NUMA1: variants seen among roughly 807,000 people sequenced by gnomAD.
NUMA1 encodes the protein nuclear mitotic apparatus protein 1, also known as SP-H antigen.
A neutral mutation model predicts 237.1 loss-of-function variants in NUMA1; 62 were observed. That is an observed-to-expected ratio of 0.26 (90% CI 0.21 to 0.32). NUMA1 has a LOEUF of 0.32. Among genes scored for constraint, NUMA1 ranks in the 10% least tolerant of loss-of-function variants. NUMA1 has a pLI of 1.00. For missense variants in NUMA1, 2,533 were observed against 2,666.5 expected, an observed-to-expected ratio of 0.95 and a Z score of 1.10; for synonymous variants, 1,028 against 1,066.1, an observed-to-expected ratio of 0.96 and a Z score of 0.70.
intron 1 of NUMA1, among the ~76,000 whole-genome samples, chr11:72,078,524 T>C (rs1381025739): frequency 2.0e-5 from 3 of 152,252 alleles, no homozygotes; most frequent in Non-Finnish European, 2.9e-5. Context: ...AGTTCTAGAA[T>C]TCAAGTCTTA....
At chr11:72,010,882 C>T in intron 16 of NUMA1, 28 bp from the exon 17 acceptor site, 1 of 1,597,428 alleles carries the variant, frequency 6.3e-7, no homozygotes, top group Non-Finnish European at 8.6e-7. Flanking sequence ...GGACAGAAGA[C>T]TCAGGAGGAC....
intron 5 of NUMA1, among the ~76,000 whole-genome samples, chr11:72,023,428 C>A (rs1210313110): frequency 6.6e-6 from 1 of 152,202 alleles, no homozygotes; most frequent in East Asian, 1.9e-4. Flanking sequence ...CACCCACTCA[C>A]CAACTCTCAG....
intron 2 of NUMA1, among the ~76,000 whole-genome samples, chr11:72,055,092 C>CA (rs953497161): frequency 2.4e-4 from 36 of 147,900 alleles, no homozygotes; most frequent in African/African-American, 5.2e-4. Flanking sequence ...CCAATGTCAA[C>CA]AAAAAAAAAT....
intron 2 of NUMA1, among the ~76,000 whole-genome samples, chr11:72,051,385 T>C (rs1342282129): frequency 6.6e-6 from 1 of 152,222 alleles, no homozygotes; most frequent in Non-Finnish European, 1.5e-5. Flanking sequence ...ATGTTACTCT[T>C]TACTTAGAAT....
chr11:72,036,736 G>A (rs1282756676), intron 2 of NUMA1, among the ~76,000 whole-genome samples: 1 of 152,120 alleles, frequency 6.6e-6, no homozygotes, highest in East Asian at 1.9e-4. Context: ...TGAAAATTAG[G>A]CACCTGTCCT....
intron 1 of NUMA1, among the ~76,000 whole-genome samples, chr11:72,077,823 A>AG (rs1343334853): frequency 1.3e-5 from 2 of 151,438 alleles, no homozygotes; most frequent in East Asian, 3.9e-4. Flanking sequence ...CAAAAAAAAA[A>AG]AAAAAACAAA....
At position 72,010,811 on chromosome 11, in the gene NUMA1, C is replaced by T. The variant is rs749080977; in HGVS notation, c.4694G>A (p.Ser1565Asn). ...SKKLADSDQA[S>N]KVQQQKLKAV... is the part of the protein sequence containing the mutation. ...CTTCAGCTTCTGCTGCTGCACCTTGCTGGCTTGGTCAGAGTCAGCCAGTTT... is the reference window on the plus strand; with the variant it reads ...CTTCAGCTTCTGCTGCTGCACCTTGTTGGCTTGGTCAGAGTCAGCCAGTTT... Residue 1565 changes from serine to asparagine, a missense_variant, in exon 17 of 27, where the codon AGC (serine) becomes AAC (asparagine). Ser to Asn is a conservative substitution (Grantham distance 46). Around this residue, in one of 3 missense-constraint regions of NUMA1, gnomAD observed 795 missense variants for 750.8 expected, o/e 1.06. Transcript: ENST00000393695. The T allele has an allele frequency of 1.2e-6, 2 of 1,613,894 alleles. No homozygotes were observed. The highest frequency in any genetic ancestry group is 1.1e-5 in the South Asian group (1 of 91,064).
intron 22 of NUMA1, chr11:72,005,692 G>C: frequency 2.0e-6 from 1 of 492,362 alleles, no homozygotes; most frequent in Non-Finnish European, 3.6e-6. Flanking sequence ...GGGCTCCCTG[G>C]TGCCCAAAGG....
chr11:72,017,835 G>T lies in NUMA1; in HGVS notation c.979-8C>A. ...ACTGGCAAACTCCCGCAGCTGAGAC[G>T]GGCAAGTGAGAATCCCCATCACCCA... On this transcript the variant is annotated splice_region_variant and splice_polypyrimidine_tract_variant and intron_variant, in intron 12 of 26. Coordinates refer to ENST00000393695, the MANE Select transcript of NUMA1 (RefSeq NM_006185.4). 6.4e-7 allele frequency: 1 copy of T among 1,568,696 alleles called. No homozygotes were observed.
At chr11:72,032,760 G>A in intron 3 of NUMA1, among the ~76,000 whole-genome samples, 1 of 152,106 alleles carries the variant, frequency 6.6e-6, no homozygotes, top group East Asian at 1.9e-4. Context: ...GTTGCTTAAG[G>A]TTGTCAAATC....
At chr11:72,038,126 T>C (rs1941258107) in intron 2 of NUMA1, among the ~76,000 whole-genome samples, 2 of 152,332 alleles carry the variant, frequency 1.3e-5, no homozygotes, top group South Asian at 2.1e-4. Flanking sequence ...CTGCTGCCTA[T>C]AGACTTGCAG....
chr11:72,043,761 A>G (rs1393878226), intron 2 of NUMA1, among the ~76,000 whole-genome samples: 1 of 152,108 alleles, frequency 6.6e-6, no homozygotes, highest in African/African-American at 2.4e-5. Context: ...TGTTTTACAT[A>G]TAAGATAACC....
chr11:72,066,121 C>CATGGAGAAACCCCATCTCTACT (rs1265708167), intron 2 of NUMA1: 3 of 151,394 alleles, frequency 2.0e-5, no homozygotes, highest in Non-Finnish European at 4.4e-5. Context: ...GCCTGACCAA[C>CATGGAGAAACCCCATCTCTACT]ATGGAGAAAC....
intron 26 of NUMA1, 126 bp downstream of exon 26, chr11:72,003,761 C>T (rs1172759664): frequency 4.6e-6 from 5 of 1,086,256 alleles, no homozygotes; most frequent in South Asian, 4.0e-5. Flanking sequence ...AGGACAGGGA[C>T]ACCTCTTACC....
intron 12 of NUMA1, 31 bp from the exon 13 acceptor site, chr11:72,017,858 C>T: frequency 6.8e-7 from 1 of 1,466,898 alleles, no homozygotes; most frequent in Non-Finnish European, 9.1e-7. Context: ...TCCCCATCAC[C>T]CAGAGTCAAC....
chr11:72,054,965 A>G (rs769358296), intron 2 of NUMA1, among the ~76,000 whole-genome samples: 1 of 152,186 alleles, frequency 6.6e-6, no homozygotes, highest in Non-Finnish European at 1.5e-5. Flanking sequence ...TCTAGTGGGC[A>G]TCAGCATTAA....
Position 72,005,267 on chromosome 11 carries a change from G to C in NUMA1, c.5795C>G (p.Pro1932Arg), listed in dbSNP as rs760554220. The C allele has an allele frequency of 3.7e-6, 6 of 1,605,686 alleles. No individual in the cohort carries two copies. The highest frequency in any genetic ancestry group is 3.4e-5 in the Admixed American group (2 of 58,780). Residue 1932 changes from proline (P) to arginine (R), a missense_variant, in exon 23 of 27, where the codon CCA (proline) becomes CGA (arginine). Coordinates refer to ENST00000393695, the MANE Select transcript of NUMA1 (RefSeq NM_006185.4). ...CAGGGGATAGCAGGTCTTCAGATGT[G>C]GGGGGCACACTCGATTGCGCTGCTG... ...ELQQRNRVCPPHLKTCYPLES... is the reference protein window; with the variant it reads ...ELQQRNRVCPRHLKTCYPLES...
At position 72,008,744 on chromosome 11, in the gene NUMA1, C is replaced by G. The variant is rs766043888; in HGVS notation, c.5160G>C (p.Leu1720Phe). The G allele has an allele frequency of 1.9e-6, 3 of 1,613,998 alleles. No individual in the cohort carries two copies. The highest frequency in any genetic ancestry group is 1.7e-5 in the Admixed American group (1 of 60,004). ...AGCTCAGATCCAGGCTGTCAATACT[C>G]AAGTCCAGCTGGGGCTTAGCCTGGG... is the stretch of plus-strand genomic sequence containing the variant. The part of the protein sequence containing the change: ...REPQAKPQLD[L>F]SIDSLDLSCE... The change falls in exon 20 of 27, where the codon TTG becomes TTC. Residue 1720 changes from leucine (L) to phenylalanine (F), a missense_variant. Physicochemically the swap from Leu to Phe is conservative, Grantham distance 22. Transcript: ENST00000393695.
rs58353057 is a variant in NUMA1 at position 72,033,364 on chromosome 11, GTTTTTTTTTTTTTT to G, written c.42+2524_42+2537del. 2.6e-4 allele frequency among the ~76,000 whole-genome samples: 37 copies of G among 144,712 alleles called. 1 individual carries two copies. The highest frequency in any genetic ancestry group is 1.5e-3 in the South Asian group (7 of 4,632). The allele number at this position is 144,712 out of a possible 152,430, so 94.9% of individuals were successfully genotyped here. A position where few individuals can be genotyped will look rare whatever the true frequency, so the allele number is the denominator to read the frequency against. Reference sequence around the variant, plus strand: ...TTTAACATTTTCATGCATGTTCTTTGTTTTTTTTTTTTTTTTTTTTTTTTTGACACAGGCTTTCA... The same window carrying G: ...TTTAACATTTTCATGCATGTTCTTTGTTTTTTTTTTTGACACAGGCTTTCA... On this transcript the variant is annotated intron_variant, in intron 3 of 26. Coordinates refer to ENST00000393695, the MANE Select transcript of NUMA1 (RefSeq NM_006185.4).
Sources: allele counts gnomAD v4.1 joint callset (sites outside exome capture counted in the v4.1 genomes callset), GRCh38; gene constraint gnomAD v4.1.1; regional missense constraint gnomAD v4.1.1; transcripts MANE v1.5; gene names NCBI Gene and HGNC (gene_info 2026-07-23, HGNC 2026-07-21).